The following SEMA5A variants were observed in gnomAD, a reference collection of about 807,000 sequenced individuals.
SEMA5A encodes semaphorin-5A.
A neutral mutation model predicts 135.5 loss-of-function variants in SEMA5A; 55 were observed. The observed-to-expected ratio is 0.41, with a 90% CI of 0.33 to 0.51. The LOEUF is 0.51. SEMA5A is among the 20% of genes least tolerant of loss of function. The pLI is 0.37. For synonymous variants in SEMA5A, 580 were observed against 546.5 expected, an observed-to-expected ratio of 1.06 and a Z score of -0.85; for missense variants, 1,290 against 1,419.9, an observed-to-expected ratio of 0.91 and a Z score of 1.47.
At chr5:9,235,911 G>A (rs1465437133) in intron 6 of SEMA5A, among the ~76,000 whole-genome samples, 5 of 152,114 alleles carry the variant, frequency 3.3e-5, no homozygotes, top group Non-Finnish European at 5.9e-5. Flanking sequence ...GAGGCTTAAT[G>A]GACTCATAGT....
intron 8 of SEMA5A, among the ~76,000 whole-genome samples, chr5:9,207,765 TTAAAA>T (rs1746111659): frequency 6.6e-6 from 1 of 152,062 alleles, no homozygotes; most frequent in Non-Finnish European, 1.5e-5. Flanking sequence ...AGCGGATAAC[TTAAAA>T]TTAAATTAAA....
chr5:9,530,983 T>G (rs1274505090), intron 1 of SEMA5A, among the ~76,000 whole-genome samples: 3 of 152,216 alleles, frequency 2.0e-5, no homozygotes, highest in Non-Finnish European at 4.4e-5. Context: ...CTTGAGGCTT[T>G]TCCATTCCCA....
intron 1 of SEMA5A, among the ~76,000 whole-genome samples, chr5:9,521,944 T>A (rs1037497335): frequency 1.3e-5 from 2 of 152,104 alleles, no homozygotes; most frequent in African/African-American, 4.8e-5. Context: ...GGATCCTCCC[T>A]CCCTCTCTTT....
At chr5:9,318,278 A>C in intron 5 of SEMA5A, 94 bp downstream of exon 5, 1 of 1,260,908 alleles carries the variant, frequency 7.9e-7, no homozygotes, top group South Asian at 1.4e-5. Context: ...CTCAGGCTGG[A>C]TTAACACCTT....
intron 16 of SEMA5A, among the ~76,000 whole-genome samples, chr5:9,076,392 T>C (rs1018792042): frequency 6.6e-6 from 1 of 150,590 alleles, no homozygotes; most frequent in Admixed American, 6.6e-5. Context: ...GTAAATAGAG[T>C]TTGAGAAAGG....
At chr5:9,434,436 T>C (rs938787694) in intron 2 of SEMA5A, among the ~76,000 whole-genome samples, 3 of 152,164 alleles carry the variant, frequency 2.0e-5, no homozygotes, top group Admixed American at 6.5e-5. Context: ...TTAAAAATTT[T>C]TTTAATTGTA....
chr5:9,262,675 T>C (rs1488563088), intron 5 of SEMA5A, among the ~76,000 whole-genome samples: 1 of 77,132 alleles, frequency 1.3e-5, no homozygotes, highest in Non-Finnish European at 2.5e-5. Context: ...ATATTCTCAC[T>C]CATAGGTGGG....
intron 1 of SEMA5A, among the ~76,000 whole-genome samples, chr5:9,448,020 G>A (rs1354951192): frequency 6.6e-6 from 1 of 152,104 alleles, no homozygotes; most frequent in East Asian, 1.9e-4. Flanking sequence ...GAACCAAAAG[G>A]TCGGCATGTC....
chr5:9,118,375 G>A (rs550948966), intron 15 of SEMA5A, among the ~76,000 whole-genome samples: 1 of 152,166 alleles, frequency 6.6e-6, no homozygotes, highest in Admixed American at 6.5e-5. Flanking sequence ...TGCAGAGGTT[G>A]AGCCTGAAAC....
At chr5:9,258,048 C>T (rs1350708358) in intron 5 of SEMA5A, among the ~76,000 whole-genome samples, 1 of 152,164 alleles carries the variant, frequency 6.6e-6, no homozygotes, top group African/African-American at 2.4e-5. Flanking sequence ...CTGCTGAATA[C>T]ACATTTGGAC....
intron 2 of SEMA5A, among the ~76,000 whole-genome samples, chr5:9,406,087 G>A (rs1561227013): frequency 6.6e-6 from 1 of 152,208 alleles, no homozygotes. Flanking sequence ...CATGGAGGAA[G>A]AATTTGTTAG....
At chr5:9,173,402 TG>T (rs762805338) in intron 11 of SEMA5A, among the ~76,000 whole-genome samples, 1 of 151,080 alleles carries the variant, frequency 6.6e-6, no homozygotes, top group African/African-American at 2.4e-5. Context: ...TACCATAGAC[TG>T]GGGGGGTTAT....
chr5:9,225,758 C>T (rs1004096897), intron 7 of SEMA5A, among the ~76,000 whole-genome samples: 23 of 151,808 alleles, frequency 1.5e-4, no homozygotes, highest in African/African-American at 5.1e-4. Flanking sequence ...GGAGTCATTT[C>T]GTATGAATCC....
At chr5:9,105,137 G>A (rs751231082) in intron 16 of SEMA5A, among the ~76,000 whole-genome samples, 5 of 152,288 alleles carry the variant, frequency 3.3e-5, no homozygotes, top group Non-Finnish European at 4.4e-5. Flanking sequence ...TCAGCTCCCC[G>A]AACTAATCCA....
At chr5:9,106,818 T>C (rs1236258423) in intron 16 of SEMA5A, among the ~76,000 whole-genome samples, 1 of 152,246 alleles carries the variant, frequency 6.6e-6, no homozygotes, top group Non-Finnish European at 1.5e-5. Flanking sequence ...GGTCTACAGT[T>C]AGTTCAGGCT....
chr5:9,469,128 C>T (rs931183173), intron 1 of SEMA5A, among the ~76,000 whole-genome samples: 4 of 152,172 alleles, frequency 2.6e-5, no homozygotes, highest in African/African-American at 9.7e-5. Context: ...CCTGCCTCAG[C>T]CTCCTGAGTA....
chr5:9,281,837 T>G (rs2150565693), intron 5 of SEMA5A, among the ~76,000 whole-genome samples: 1 of 150,988 alleles, frequency 6.6e-6, no homozygotes, highest in Non-Finnish European at 1.5e-5. Flanking sequence ...TTTTTTTTTT[T>G]TTTTTGAGAC....
At chr5:9,432,240 C>A (rs1333049243) in intron 2 of SEMA5A, among the ~76,000 whole-genome samples, 1 of 152,166 alleles carries the variant, frequency 6.6e-6, no homozygotes, top group Non-Finnish European at 1.5e-5. Context: ...TCGGATGGGA[C>A]TCAGGAGTGG....
chr5:9,303,203 G>T (rs188514879), intron 5 of SEMA5A, among the ~76,000 whole-genome samples: 1 of 149,994 alleles, frequency 6.7e-6, no homozygotes, highest in African/African-American at 2.5e-5. Flanking sequence ...TGCAATCTCC[G>T]CCTCCTAGGT....
Sources: allele counts gnomAD v4.1 joint callset (sites outside exome capture counted in the v4.1 genomes callset), GRCh38; gene constraint gnomAD v4.1.1; transcripts MANE v1.5; gene names NCBI Gene and HGNC (gene_info 2026-07-23, HGNC 2026-07-21).